Variants in C5 observed in about 807,000 individuals in gnomAD.
C5 encodes the protein complement C5.
Under a neutral mutation model 218.8 loss-of-function variants are expected in C5, and 140 were observed. The ratio of observed to expected loss-of-function variants is 0.64; its 90% CI spans 0.56 to 0.74. The LOEUF (loss-of-function observed/expected upper bound fraction) is 0.74. C5 is among the 30% of genes least tolerant of loss of function. C5 has a pLI of 0.00. For synonymous variants in C5, 614 were observed against 682.3 expected, an observed-to-expected ratio of 0.90 and a Z score of 1.56; for missense variants, 1,700 against 1,969.6, an observed-to-expected ratio of 0.86 and a Z score of 2.59.
At chr9:120,982,107 G>A (rs2046998777) in intron 26 of C5, among the ~76,000 whole-genome samples, 168 bp from the exon 27 acceptor site, 1 of 152,192 alleles carries the variant, frequency 6.6e-6, no homozygotes. Flanking sequence ...CGCCTCCCGG[G>A]TTCAAGCCAT....
intron 23 of C5, among the ~76,000 whole-genome samples, chr9:120,990,517 G>A (rs2047069169): frequency 6.6e-6 from 1 of 152,172 alleles, no homozygotes; most frequent in African/African-American, 2.4e-5. Flanking sequence ...GGTTATGATG[G>A]CTCCACCCTA....
At position 121,027,222 on chromosome 9, in the gene C5, T is replaced by G; in HGVS notation, c.811A>C (p.Ile271Leu). 6.2e-7 allele frequency: 1 copy of G among 1,603,636 alleles called. No homozygotes were observed. The highest frequency in any genetic ancestry group is 8.5e-7 in the Non-Finnish European group (1 of 1,171,784). ...TGATCATCTTTTAAGTCTTCTCTTA[T>G]TCCAAATGTGATATAAACGTCAGCC... ...TEADVYITFG[I>L]REDLKDDQKE... is the part of the protein sequence containing the mutation. Residue 271 changes from isoleucine to leucine, a missense_variant, in exon 8 of 41, where the codon ATA becomes CTA. Ile to Leu is a conservative substitution (Grantham distance 5). Coordinates refer to ENST00000223642, the MANE Select transcript of C5 (RefSeq NM_001735.3).
chr9:121,072,270 C>T, the C5 span, among the ~76,000 whole-genome samples: 1 of 152,108 alleles, frequency 6.6e-6, no homozygotes, highest in Non-Finnish European at 1.5e-5. Context: ...TATTTGATGG[C>T]TATTAATTGA....
rs760597132 is a variant in C5 at position 121,006,883 on chromosome 9, A to G, written c.2422+21T>C. On this transcript the variant is annotated intron_variant, in intron 19 of 40. Transcript: ENST00000223642. ...TAATCAAATCACTATTTAAATGCAT[A>G]TATCACTTAAACCTGCTTACCAGTG... 4 of 1,474,260 alleles carry G rather than the reference A, an allele frequency of 2.7e-6. No homozygotes were observed. The South Asian group carries it at 4.6e-5, about 17-fold the overall frequency. The allele number at this position is 1,474,260 out of a possible 1,614,324, so 91.3% of individuals were successfully genotyped here.
In C5 at chr9:121,017,706, T is replaced by C. The variant is rs375120889; in HGVS notation, c.1653A>G (p.Thr551=). 6.2e-6 allele frequency: 10 copies of C among 1,613,646 alleles called. No homozygotes were observed. The highest frequency in any genetic ancestry group is 2.2e-5 in the East Asian group (1 of 44,884). Residue 551 remains threonine, a synonymous_variant, in exon 13 of 41, where the codon ACA becomes ACG. Coordinates refer to ENST00000223642, the MANE Select transcript of C5 (RefSeq NM_001735.3). The part of the protein sequence containing the change: ...LVYYIVTGEQ[T]AELVSDSVWL... ...AGACTGAATCAGACACTAATTCTGC[T>C]GTCTGTTCTCCTGTGACGATGTAAT...
At chr9:121,052,096 A>C (rs1405900714), upstream of C5, among the ~76,000 whole-genome samples, 1 of 152,216 alleles carries the variant, frequency 6.6e-6, no homozygotes, top group African/African-American at 2.4e-5. Flanking sequence ...CTGAAGTTTA[A>C]CAATTTATAG....
rs962009496 is a variant in C5 at position 120,970,769 on chromosome 9, T to C, written c.4081-518A>G. Among the ~76,000 whole-genome samples the C allele has an allele frequency of 9.9e-5, 15 of 152,186 alleles. No individual in the cohort carries two copies. The East Asian group carries it at 2.9e-3, about 29-fold the overall frequency. On this transcript the variant is annotated intron_variant, in intron 31 of 40. Coordinates refer to ENST00000223642, the MANE Select transcript of C5 (RefSeq NM_001735.3). ...AAACTTACAACAGTCCTTGAAGGAA[T>C]GAATGCACTAAAGATAAGAGCGTGA...
At chr9:121,056,975 T>A in the C5 span, among the ~76,000 whole-genome samples, 1 of 152,132 alleles carries the variant, frequency 6.6e-6, no homozygotes, top group Non-Finnish European at 1.5e-5. Flanking sequence ...AGAAAGGATC[T>A]TAAAAGCAGC....
Position 120,952,598 on chromosome 9 carries a change from C to A in C5, c.*141G>T. 1.3e-6 allele frequency: 1 copy of A among 770,626 alleles called. No homozygotes were observed. Among genetic ancestry groups the A allele is most frequent in the Non-Finnish European group, 2.1e-6 (1 of 476,354 alleles). The allele number at this position is 770,626 out of a possible 1,614,324, so 47.7% of individuals were successfully genotyped here. ...ATTTGAAATCATTCTCTAATAAAAG[C>A]AAGTGCCACTAATTCTAAGTAAAGT... is the stretch of plus-strand genomic sequence containing the variant. On this transcript the variant is annotated 3_prime_UTR_variant, in exon 41 of 41. Coordinates refer to ENST00000223642, the MANE Select transcript of C5 (RefSeq NM_001735.3).
chr9:120,966,172 A>G (rs1485678072), intron 33 of C5, among the ~76,000 whole-genome samples: 1 of 152,222 alleles, frequency 6.6e-6, no homozygotes, highest in Non-Finnish European at 1.5e-5. Flanking sequence ...CAGAGCCAAA[A>G]GCATATTCCA....
the C5 span, among the ~76,000 whole-genome samples, chr9:121,072,222 G>A: frequency 1.3e-5 from 2 of 152,136 alleles, no homozygotes; most frequent in African/African-American, 4.8e-5. Context: ...TCACCCAAGA[G>A]AAAAGTGTTT....
chr9:121,007,070 T>C (rs2047222042), intron 18 of C5, 93 bp from the exon 19 acceptor site: 1 of 928,950 alleles, frequency 1.1e-6, no homozygotes, highest in African/African-American at 1.6e-5. Context: ...TGCTTCAAAC[T>C]ACTTTAGAGA....
At chr9:121,000,316 T>C (rs1357087793) in intron 20 of C5, among the ~76,000 whole-genome samples, 2 of 152,226 alleles carry the variant, frequency 1.3e-5, no homozygotes, top group African/African-American at 4.8e-5. Flanking sequence ...TTCCAAAGTT[T>C]ATCTGGCAGA....
chr9:120,979,939 C>T (rs2131695014), intron 28 of C5, 144 bp downstream of exon 28: 1 of 713,148 alleles, frequency 1.4e-6, no homozygotes, highest in Non-Finnish European at 2.5e-6. Flanking sequence ...TAACGGCACA[C>T]ATTACATCGT....
chr9:120,995,268 T>C (rs1347129288), intron 22 of C5, among the ~76,000 whole-genome samples: 1 of 152,228 alleles, frequency 6.6e-6, no homozygotes, highest in Non-Finnish European at 1.5e-5. Flanking sequence ...TTTTTCCCCA[T>C]TGTTATATCA....
At chr9:121,063,412 C>T in the C5 span, among the ~76,000 whole-genome samples, 7 of 151,956 alleles carry the variant, frequency 4.6e-5, no homozygotes, top group African/African-American at 1.2e-4. Context: ...TATGGTAAGA[C>T]GTAGCTCTTA....
At chr9:120,974,088 A>G (rs2046934357) in intron 30 of C5, among the ~76,000 whole-genome samples, 1 of 152,254 alleles carries the variant, frequency 6.6e-6, no homozygotes, top group African/African-American at 2.4e-5. Flanking sequence ...ACTTTAAAAT[A>G]ATGCAAACAC....
At chr9:120,972,601 C>T (rs1020121103) in intron 30 of C5, among the ~76,000 whole-genome samples, 2 of 152,206 alleles carry the variant, frequency 1.3e-5, no homozygotes, top group Admixed American at 6.5e-5. Flanking sequence ...TGCTCTTCTT[C>T]CCACTCTGCT....
At chr9:120,962,445 T>C (rs975256457) in intron 36 of C5, among the ~76,000 whole-genome samples, 14 of 152,300 alleles carry the variant, frequency 9.2e-5, no homozygotes, top group Middle Eastern at 3.4e-3. Context: ...ATTTTAAATA[T>C]GAAGAAACTG....
Sources: allele counts gnomAD v4.1 joint callset (sites outside exome capture counted in the v4.1 genomes callset), GRCh38; gene constraint gnomAD v4.1.1; transcripts MANE v1.5; gene names NCBI Gene and HGNC (gene_info 2026-07-23, HGNC 2026-07-21).